Variants in ATRNL1 observed in about 807,000 individuals in gnomAD.
ATRNL1 encodes attractin like 1.
A neutral mutation model predicts 182.7 loss-of-function variants in ATRNL1; 95 were observed. The observed-to-expected ratio is 0.52, with a 90% CI of 0.44 to 0.62. ATRNL1 has a LOEUF of 0.62. Among genes scored for constraint, ATRNL1 ranks in the 20% least tolerant of loss-of-function variants. The pLI is 0.00. For missense variants in ATRNL1, 1,471 were observed against 1,679.5 expected (o/e 0.88, Z 2.17); for synonymous variants, 576 against 568.3 (o/e 1.01, Z -0.19).
At chr10:115,635,672 A>G (rs1555027848) in intron 26 of ATRNL1, among the ~76,000 whole-genome samples, 1 of 152,148 alleles carries the variant, frequency 6.6e-6, no homozygotes, top group Non-Finnish European at 1.5e-5. Context: ...TGCCAAAACC[A>G]CCATACAAGT....
Position 115,217,268 on chromosome 10 carries a change from A to G in ATRNL1, c.1532+1388A>G, listed in dbSNP as rs138383581. 8.6e-3 allele frequency among the ~76,000 whole-genome samples: 1,311 copies of G among 152,152 alleles called. 19 individuals are homozygous for G. The highest frequency in any genetic ancestry group is 0.028 in the African/African-American group (1,166 of 41,510). On this transcript the variant is annotated intron_variant, in intron 9 of 28. Coordinates refer to ENST00000355044, the MANE Select transcript of ATRNL1 (RefSeq NM_207303.4). ...CATGCCCGGCTAATTTTTTATTTTT[A>G]GTACAGATGGGGTTTCACTATGTTG...
chr10:115,330,735 G>A (rs1449887997), intron 18 of ATRNL1, among the ~76,000 whole-genome samples: 2 of 142,678 alleles, frequency 1.4e-5, no homozygotes, highest in Admixed American at 1.5e-4. Context: ...TTTTGAGAAA[G>A]TGGTTATATA....
intron 25 of ATRNL1, among the ~76,000 whole-genome samples, chr10:115,541,866 G>A (rs1284859947): frequency 1.1e-4 from 16 of 152,186 alleles, no homozygotes; most frequent in African/African-American, 3.9e-4. Context: ...CAAGCTGGTG[G>A]TTTCAAGGGT....
intron 24 of ATRNL1, among the ~76,000 whole-genome samples, chr10:115,471,672 GCCCA>G (rs572539135): frequency 6.3e-4 from 95 of 150,990 alleles, no homozygotes; most frequent in African/African-American, 2.2e-3. Flanking sequence ...CAGGTCCTTT[GCCCA>G]TTGTTTCCAT....
At chr10:115,782,326 T>G (rs1949284687) in intron 27 of ATRNL1, among the ~76,000 whole-genome samples, 1 of 152,224 alleles carries the variant, frequency 6.6e-6, no homozygotes, top group African/African-American at 2.4e-5. Flanking sequence ...AAATCTGTTT[T>G]TAAAGGAATA....
chr10:115,920,600 G>A (rs1953022432), intron 28 of ATRNL1, among the ~76,000 whole-genome samples: 2 of 152,142 alleles, frequency 1.3e-5, no homozygotes, highest in South Asian at 4.1e-4. Flanking sequence ...GGTCCCCAGG[G>A]GGAATTTGTA....
intron 19 of ATRNL1, among the ~76,000 whole-genome samples, chr10:115,347,140 TA>T (rs1483784651): frequency 6.6e-6 from 1 of 152,178 alleles, no homozygotes; most frequent in Non-Finnish European, 1.5e-5. Context: ...TATTTCACAT[TA>T]ATTTTTGTTA....
At chr10:115,774,363 T>C (rs1555077240) in intron 27 of ATRNL1, among the ~76,000 whole-genome samples, 1 of 127,028 alleles carries the variant, frequency 7.9e-6, no homozygotes, top group African/African-American at 3.1e-5. Flanking sequence ...CCACGGAAGT[T>C]GCGGTGAGCC....
intron 26 of ATRNL1, among the ~76,000 whole-genome samples, chr10:115,715,310 A>G (rs1947213855): frequency 6.6e-6 from 1 of 152,248 alleles, no homozygotes; most frequent in African/African-American, 2.4e-5. Flanking sequence ...AAGGGAAAAC[A>G]TGCCTAGTCT....
chr10:115,555,775 G>T (rs1294112578), intron 26 of ATRNL1, among the ~76,000 whole-genome samples: 5 of 151,876 alleles, frequency 3.3e-5, no homozygotes, highest in Non-Finnish European at 5.9e-5. Context: ...GGGTCTGTTG[G>T]TATTTGATAA....
chr10:115,244,054 T>C (rs1332775992), intron 10 of ATRNL1, among the ~76,000 whole-genome samples: 1 of 152,142 alleles, frequency 6.6e-6, no homozygotes, highest in Non-Finnish European at 1.5e-5. Context: ...TCATGGAGTA[T>C]GTTTTTGTGG....
intron 26 of ATRNL1, among the ~76,000 whole-genome samples, chr10:115,714,450 C>T (rs1318928081): frequency 6.6e-6 from 1 of 152,178 alleles, no homozygotes; most frequent in African/African-American, 2.4e-5. Context: ...GCAAACAGCA[C>T]GAACTTTCTG....
intron 15 of ATRNL1, 83 bp downstream of exon 15, chr10:115,286,480 A>G: frequency 1.2e-6 from 1 of 812,286 alleles, no homozygotes; most frequent in Non-Finnish European, 1.8e-6. Context: ...GTTTTAATAC[A>G]TTATTGTTGC....
chr10:115,172,553 C>T (rs1025680311), intron 8 of ATRNL1, among the ~76,000 whole-genome samples: 1 of 151,930 alleles, frequency 6.6e-6, no homozygotes, highest in Non-Finnish European at 1.5e-5. Flanking sequence ...TCCATTGTTA[C>T]GTTCTAGACC....
chr10:115,606,666 T>G (rs568930907), intron 26 of ATRNL1, among the ~76,000 whole-genome samples: 26 of 152,152 alleles, frequency 1.7e-4, no homozygotes, highest in African/African-American at 6.3e-4. Context: ...GCAAGGTTAT[T>G]GAGCACTACT....
intron 26 of ATRNL1, among the ~76,000 whole-genome samples, chr10:115,567,777 A>C (rs1251352626): frequency 6.6e-6 from 1 of 152,154 alleles, no homozygotes; most frequent in Admixed American, 6.6e-5. Context: ...AGGTATTTTA[A>C]TAGCAGTTAG....
chr10:115,673,942 G>T (rs1459623104), intron 26 of ATRNL1, among the ~76,000 whole-genome samples: 1 of 151,984 alleles, frequency 6.6e-6, no homozygotes, highest in Non-Finnish European at 1.5e-5. Flanking sequence ...CTTGGGAGCT[G>T]CCATGCTGTC....
At chr10:115,532,021 G>A (rs1851620847) in intron 25 of ATRNL1, among the ~76,000 whole-genome samples, 1 of 150,562 alleles carries the variant, frequency 6.6e-6, no homozygotes, top group Admixed American at 6.6e-5. Flanking sequence ...ATGCTGTTTT[G>A]GTTACTGTAG....
At position 115,199,363 on chromosome 10, in the gene ATRNL1, G is replaced by A. The variant is rs145246522; in HGVS notation, c.1349-16334G>A. On this transcript the variant is annotated intron_variant, in intron 8 of 28. Coordinates refer to ENST00000355044, the MANE Select transcript of ATRNL1 (RefSeq NM_207303.4). ...GGGCGGATCACAAGGTCAAGAGATC[G>A]AGACCTTCCAGGCCAACATGGTGAA... 6.5e-3 allele frequency among the ~76,000 whole-genome samples: 985 copies of A among 151,950 alleles called. 11 individuals are homozygous for A. The highest frequency in any genetic ancestry group is 0.011 in the South Asian group (55 of 4,816).
Sources: allele counts gnomAD v4.1 joint callset (sites outside exome capture counted in the v4.1 genomes callset), GRCh38; gene constraint gnomAD v4.1.1; transcripts MANE v1.5; gene names NCBI Gene and HGNC (gene_info 2026-07-23, HGNC 2026-07-21).